The following EPHA3 variants were observed in gnomAD, a reference collection of about 807,000 sequenced individuals.
The protein encoded by EPHA3 is EPH receptor A3, also known as ephrin type-A receptor 3.
In EPHA3, 42 loss-of-function variants were observed where a neutral mutation model predicts 107.1. The ratio of observed to expected loss-of-function variants is 0.39; its 90% CI spans 0.31 to 0.51. The LOEUF (loss-of-function observed/expected upper bound fraction) is 0.51, where lower values mean the gene tolerates loss of function less well. Ranked by LOEUF, EPHA3 falls within the 20% of genes least tolerant of loss-of-function variation. The probability of loss-of-function intolerance (pLI) is 0.78; values close to 1 mark genes in which losing one functional copy is unlikely to be tolerated. For missense variants in EPHA3, 1,183 were observed against 1,211.2 expected, an observed-to-expected ratio of 0.98 and a Z score of 0.35; for synonymous variants, 461 against 424.8, an observed-to-expected ratio of 1.09 and a Z score of -1.05.
chr3:89,314,317 T>C (rs1360282002), intron 3 of EPHA3, among the ~76,000 whole-genome samples: 2 of 152,110 alleles, frequency 1.3e-5, no homozygotes, highest in Admixed American at 1.3e-4. Context: ...TTGTTTCTTC[T>C]CATAGTGATG....
intron 3 of EPHA3, among the ~76,000 whole-genome samples, chr3:89,214,030 A>T (rs1427270766): frequency 6.6e-6 from 1 of 152,024 alleles, no homozygotes; most frequent in Non-Finnish European, 1.5e-5. Context: ...TAGCTTTATA[A>T]TAGCTATCAA....
At chr3:89,323,059 A>G (rs1707080484) in intron 3 of EPHA3, among the ~76,000 whole-genome samples, 1 of 152,166 alleles carries the variant, frequency 6.6e-6, no homozygotes, top group South Asian at 2.1e-4. Flanking sequence ...TTGGTATAAT[A>G]TTCCAAGAAA....
intron 2 of EPHA3, among the ~76,000 whole-genome samples, chr3:89,157,065 T>A (rs1704823727): frequency 6.6e-6 from 1 of 151,798 alleles, no homozygotes; most frequent in Non-Finnish European, 1.5e-5. Flanking sequence ...GCTGAAGGAA[T>A]AAAATAAACT....
At chr3:89,400,106 T>C in intron 7 of EPHA3, 1 of 990,480 alleles carries the variant, frequency 1.0e-6, no homozygotes, top group Non-Finnish European at 1.2e-6. Flanking sequence ...AAATATAATT[T>C]TCAAAAAGGT....
Position 89,196,757 on chromosome 3 carries a change from T to C in EPHA3, c.154-13103T>C, listed in dbSNP as rs1390437823. Among the ~76,000 whole-genome samples, 3 of 152,220 alleles carry C rather than the reference T, an allele frequency of 2.0e-5. No individual in the cohort carries two copies. In the East Asian group the frequency reaches 5.8e-4, roughly 29 times the overall value. ...AATTTCTTCCCTAAATGCCACCTCCTGACTGCTAATTTTTTCCTCTGGTTT... is the reference window on the plus strand; with the variant it reads ...AATTTCTTCCCTAAATGCCACCTCCCGACTGCTAATTTTTTCCTCTGGTTT... On this transcript the variant is annotated intron_variant, in intron 2 of 16. Transcript: ENST00000336596.
At chr3:89,346,990 T>C (rs1263890958) in intron 5 of EPHA3, among the ~76,000 whole-genome samples, 1 of 144,056 alleles carries the variant, frequency 6.9e-6, no homozygotes, top group East Asian at 2.0e-4. Context: ...TCTGTTTTGG[T>C]ACCAGTACCA....
intron 5 of EPHA3, among the ~76,000 whole-genome samples, chr3:89,366,822 A>G (rs116728354): frequency 2.7e-5 from 4 of 150,794 alleles, no homozygotes; most frequent in African/African-American, 9.7e-5. Flanking sequence ...CACTTTGTTC[A>G]TTAGTATGTA....
rs570997339 is a variant in EPHA3 at position 89,314,171 on chromosome 3, T to G, written c.815-26745T>G. On this transcript the variant is annotated intron_variant, in intron 3 of 16. Transcript: ENST00000336596. ...GTCAATTTCACTATCTCAAATCATA[T>G]AGTCAAATTTCAAATTTTGTCAAAT... is the stretch of plus-strand genomic sequence containing the variant. 2.6e-4 allele frequency among the ~76,000 whole-genome samples: 40 copies of G among 152,070 alleles called. 1 individual carries two copies. The highest frequency in any genetic ancestry group is 5.4e-4 in the Non-Finnish European group (37 of 67,926).
chr3:89,476,617 A>ATTTATTT (rs1553697737), intron 16 of EPHA3, among the ~76,000 whole-genome samples: 3 of 145,460 alleles, frequency 2.1e-5, no homozygotes, highest in Admixed American at 6.9e-5. Context: ...TTATTTATTT[A>ATTTATTT]ATTTTTTTGA....
At chr3:89,305,635 G>A (rs1390594532) in intron 3 of EPHA3, among the ~76,000 whole-genome samples, 1 of 151,972 alleles carries the variant, frequency 6.6e-6, no homozygotes, top group Non-Finnish European at 1.5e-5. Flanking sequence ...ATTGTAAGGG[G>A]AAAAAACCTA....
intron 2 of EPHA3, among the ~76,000 whole-genome samples, chr3:89,204,970 G>A (rs978355057): frequency 2.6e-5 from 4 of 152,106 alleles, no homozygotes; most frequent in East Asian, 1.9e-4. Flanking sequence ...CGCAGAAATT[G>A]GTGTTTCTTA....
chr3:89,295,975 A>G (rs1253892845), intron 3 of EPHA3, among the ~76,000 whole-genome samples: 3 of 152,176 alleles, frequency 2.0e-5, no homozygotes, highest in Non-Finnish European at 4.4e-5. Context: ...GCTCATCCAT[A>G]AGAAGCAACT....
At chr3:89,217,046 T>C (rs2107196578) in intron 3 of EPHA3, among the ~76,000 whole-genome samples, 1 of 152,274 alleles carries the variant, frequency 6.6e-6, no homozygotes, top group African/African-American at 2.4e-5. Flanking sequence ...CACCTTTTTT[T>C]CCTGTGATTT....
intron 2 of EPHA3, among the ~76,000 whole-genome samples, chr3:89,146,628 C>T (rs766910534): frequency 1.6e-4 from 24 of 152,056 alleles, no homozygotes; most frequent in Non-Finnish European, 8.8e-5. Flanking sequence ...TTTTGCTGTA[C>T]AGAAGCTCTT....
chr3:89,156,920 A>T (rs1704820538), intron 2 of EPHA3, among the ~76,000 whole-genome samples: 1 of 151,792 alleles, frequency 6.6e-6, no homozygotes, highest in Admixed American at 6.6e-5. Flanking sequence ...GGGCAGCCAG[A>T]TGGCCTAGGA....
At chr3:89,194,733 A>G (rs1303663322) in intron 2 of EPHA3, among the ~76,000 whole-genome samples, 2 of 152,002 alleles carry the variant, frequency 1.3e-5, no homozygotes, top group Admixed American at 6.6e-5. Flanking sequence ...CTCAGACCAT[A>G]CTTTGCTCTA....
Position 89,331,128 on chromosome 3 carries a change from A to G in EPHA3, c.815-9788A>G, listed in dbSNP as rs1707277736. Among the ~76,000 whole-genome samples, 3 of 152,290 alleles carry G rather than the reference A, an allele frequency of 2.0e-5. No individual in the cohort carries two copies. The South Asian group carries it at 6.2e-4, about 32-fold the overall frequency. ...GAGTGTGCAAGTGTGCAATGTATTTACATACGTTACATGTACATAACTGCA... is the reference window on the plus strand; with the variant it reads ...GAGTGTGCAAGTGTGCAATGTATTTGCATACGTTACATGTACATAACTGCA... On this transcript the variant is annotated intron_variant, in intron 3 of 16. Transcript: ENST00000336596.
intron 2 of EPHA3, among the ~76,000 whole-genome samples, chr3:89,164,809 A>G (rs1705028784): frequency 6.6e-6 from 1 of 152,232 alleles, no homozygotes; most frequent in East Asian, 1.9e-4. Flanking sequence ...CACCCTGCAG[A>G]ATAGTCACAG....
At chr3:89,341,608 A>G (rs1285409325) in intron 4 of EPHA3, 147 bp from the exon 5 acceptor site, 3 of 684,650 alleles carry the variant, frequency 4.4e-6, no homozygotes, top group East Asian at 2.7e-5. Flanking sequence ...TGTCTATAAT[A>G]TCATGGATCC....
Sources: allele counts gnomAD v4.1 joint callset (sites outside exome capture counted in the v4.1 genomes callset), GRCh38; gene constraint gnomAD v4.1.1; transcripts MANE v1.5; gene names NCBI Gene and HGNC (gene_info 2026-07-23, HGNC 2026-07-21).